The following PSMD1 variants were observed in gnomAD, a reference collection of about 807,000 sequenced individuals.
The protein encoded by PSMD1 is 26S proteasome non-ATPase regulatory subunit 1.
A neutral mutation model predicts 119.0 loss-of-function variants in PSMD1; 18 were observed. The observed-to-expected ratio is 0.15, with a 90% CI of 0.10 to 0.22. The LOEUF is 0.22. PSMD1 is among the 10% of genes least tolerant of loss of function. The pLI, the probability that PSMD1 is intolerant of heterozygous loss-of-function variation, is 1.00. For synonymous variants in PSMD1, 374 were observed against 396.6 expected, an observed-to-expected ratio of 0.94 and a Z score of 0.68; for missense variants, 702 against 1,158.5, an observed-to-expected ratio of 0.61 and a Z score of 5.72.
intron 16 of PSMD1, among the ~76,000 whole-genome samples, chr2:231,125,501 A>T (rs1331325058): frequency 6.6e-6 from 1 of 152,226 alleles, no homozygotes; most frequent in Admixed American, 6.5e-5. Context: ...GCTGTGGAAC[A>T]CCATTAATTT....
chr2:231,082,446 A>G (rs1050994023), intron 12 of PSMD1, among the ~76,000 whole-genome samples: 3 of 152,154 alleles, frequency 2.0e-5, no homozygotes, highest in African/African-American at 7.2e-5. Context: ...GCTCACACCT[A>G]TAATCCCAGA....
At chr2:231,065,951 A>G (rs974484385) in intron 4 of PSMD1, among the ~76,000 whole-genome samples, 14 of 152,204 alleles carry the variant, frequency 9.2e-5, no homozygotes, top group Non-Finnish European at 2.1e-4. Context: ...AGAGTACAAT[A>G]CCATATTTTT....
intron 14 of PSMD1, among the ~76,000 whole-genome samples, chr2:231,084,477 T>A (rs1274860143): frequency 1.3e-5 from 2 of 152,158 alleles, no homozygotes; most frequent in African/African-American, 4.8e-5. Context: ...GGGTGAGGTT[T>A]TTTTTCCATT....
At chr2:231,073,245 A>C (rs1694082474) in intron 7 of PSMD1, among the ~76,000 whole-genome samples, 1 of 152,230 alleles carries the variant, frequency 6.6e-6, no homozygotes, top group Non-Finnish European at 1.5e-5. Flanking sequence ...ATGACAGATT[A>C]CCATAACAGA....
At chr2:231,063,161 CTA>C (rs1346890573) in intron 4 of PSMD1, among the ~76,000 whole-genome samples, 1 of 152,172 alleles carries the variant, frequency 6.6e-6, no homozygotes, top group Non-Finnish European at 1.5e-5. Flanking sequence ...TTTACTCACT[CTA>C]AAACCCATAC....
At chr2:231,089,106 G>C (rs1389147721) in intron 16 of PSMD1, among the ~76,000 whole-genome samples, 1 of 152,238 alleles carries the variant, frequency 6.6e-6, no homozygotes, top group Non-Finnish European at 1.5e-5. Flanking sequence ...GAAAGGCTGA[G>C]AGAGGTGAGG....
chr2:231,109,100 C>G, intron 16 of PSMD1: 1 of 1,614,158 alleles, frequency 6.2e-7, no homozygotes, highest in Non-Finnish European at 8.5e-7. Flanking sequence ...CTTGTCCTTT[C>G]GAGAACCATC....
chr2:231,161,513 T>C lies in PSMD1; in HGVS notation c.2388+4T>C. 6.2e-7 allele frequency: 1 copy of C among 1,610,968 alleles called. No homozygotes were observed. The highest frequency in any genetic ancestry group is 8.5e-7 in the Non-Finnish European group (1 of 1,177,644). ...TGGCCTTAACAAGGACTTAAAGGTA[T>C]GTCTGTGAGACCTCAGCTTTGTAGT... On this transcript the variant is annotated splice_donor_region_variant and intron_variant, in intron 20 of 24. Coordinates refer to ENST00000308696, the MANE Select transcript of PSMD1 (RefSeq NM_002807.4).
At chr2:231,145,894 C>CAAAAAAA (rs36124651) in intron 17 of PSMD1, among the ~76,000 whole-genome samples, 4 of 46,538 alleles carry the variant, frequency 8.6e-5, no homozygotes, top group African/African-American at 1.6e-4. Flanking sequence ...AGCTACATCT[C>CAAAAAAA]AAAAAAAAAA....
chr2:231,165,813 C>A, intron 22 of PSMD1, 58 bp from the exon 23 acceptor site: 2 of 1,402,004 alleles, frequency 1.4e-6, no homozygotes, highest in South Asian at 2.6e-5. Context: ...AGATGTTACT[C>A]AGTTCTGTGG....
chr2:231,157,828 A>C (rs1229947410), intron 19 of PSMD1, among the ~76,000 whole-genome samples: 2 of 151,814 alleles, frequency 1.3e-5, no homozygotes, highest in Non-Finnish European at 2.9e-5. Context: ...CGGCCTCCCA[A>C]AGTGCTGGGA....
At chr2:231,099,819 A>G (rs941514839) in intron 16 of PSMD1, among the ~76,000 whole-genome samples, 12 of 151,708 alleles carry the variant, frequency 7.9e-5, no homozygotes, top group African/African-American at 2.7e-4. Context: ...CCTCTAAGCC[A>G]CCCCGACCAA....
chr2:231,130,011 G>A (rs886771856), intron 16 of PSMD1, among the ~76,000 whole-genome samples: 8 of 151,978 alleles, frequency 5.3e-5, no homozygotes, highest in South Asian at 2.1e-4. Context: ...CCACCAGCAC[G>A]CCCAGCTAAT....
intron 23 of PSMD1, among the ~76,000 whole-genome samples, chr2:231,169,572 A>G (rs1696866534): frequency 6.6e-6 from 1 of 152,242 alleles, no homozygotes. Context: ...ATGGCAGGGC[A>G]GAGTTCTGAT....
At chr2:231,134,400 G>A (rs1236359147) in intron 16 of PSMD1, among the ~76,000 whole-genome samples, 2 of 152,158 alleles carry the variant, frequency 1.3e-5, no homozygotes, top group Non-Finnish European at 2.9e-5. Context: ...TAAGTCCCGA[G>A]CGAGCCTAAA....
chr2:231,096,392 T>C (rs1382490495), intron 16 of PSMD1, among the ~76,000 whole-genome samples: 2 of 152,138 alleles, frequency 1.3e-5, no homozygotes, highest in Admixed American at 1.3e-4. Flanking sequence ...TTCCCTACCC[T>C]TTTTAGGCAC....
chr2:231,099,490 C>T (rs1387116041), intron 16 of PSMD1, among the ~76,000 whole-genome samples: 2 of 152,312 alleles, frequency 1.3e-5, no homozygotes, highest in African/African-American at 2.4e-5. Context: ...TTAGTCCTTT[C>T]GTTATCCTTC....
chr2:231,059,684 G>A (rs1474274742), intron 1 of PSMD1, among the ~76,000 whole-genome samples: 2 of 152,144 alleles, frequency 1.3e-5, no homozygotes, highest in Non-Finnish European at 2.9e-5. Context: ...GTGTCTTCTG[G>A]AACATACCTC....
intron 16 of PSMD1, among the ~76,000 whole-genome samples, chr2:231,132,885 T>C (rs1462859737): frequency 6.6e-6 from 1 of 152,210 alleles, no homozygotes; most frequent in Non-Finnish European, 1.5e-5. Context: ...TAAGGGGTTC[T>C]CTTGACTTGG....
Sources: gnomAD v4.1 joint callset for allele counts (sites outside exome capture counted in the v4.1 genomes callset) on GRCh38, gnomAD v4.1.1 for gene constraint, MANE v1.5 for transcripts, NCBI Gene and HGNC (gene_info 2026-07-23, HGNC 2026-07-21) for gene names.